The following ANKRD49 variants were observed in gnomAD, a reference collection of about 807,000 sequenced individuals.
ANKRD49 encodes ankyrin repeat domain 49, also known as ankyrin repeat domain-containing protein 49.
ANKRD49 carries 18 observed loss-of-function variants against 19.6 expected under a neutral mutation model. The ratio of observed to expected loss-of-function variants is 0.92; its 90% CI spans 0.63 to 1.36. The LOEUF (loss-of-function observed/expected upper bound fraction) is 1.36. ANKRD49 is among the 40% of genes most tolerant of loss of function. ANKRD49 has a pLI of 0.00. For missense variants in ANKRD49, 218 were observed against 281.6 expected (o/e 0.77, Z 1.62); for synonymous variants, 88 against 101.8 (o/e 0.86, Z 0.82).
intron 2 of ANKRD49, 186 bp downstream of exon 2, chr11:94,497,137 AG>A: frequency 1.4e-6 from 1 of 720,422 alleles, no homozygotes; most frequent in Non-Finnish European, 2.3e-6. Flanking sequence ...TGGGGGTTTA[AG>A]GATAATTATC....
intron 1 of ANKRD49, among the ~76,000 whole-genome samples, chr11:94,496,135 T>C (rs551674230): frequency 2.5e-4 from 38 of 152,320 alleles, no homozygotes; most frequent in Non-Finnish European, 5.0e-4. Context: ...GATGACAGAT[T>C]GGAACAGATG....
At position 94,498,460 on chromosome 11, in the gene ANKRD49, C is replaced by G. The variant is rs1276180397; in HGVS notation, c.648C>G (p.Ala216=). 2 of 1,613,888 alleles carry G rather than the reference C, an allele frequency of 1.2e-6. No homozygotes were observed. Among genetic ancestry groups the G allele is most frequent in the Non-Finnish European group, 1.7e-6 (2 of 1,179,842 alleles). The part of the protein sequence containing the change: ...NNLEETAFDI[A]RRTSIYHYLF... ...TGGAAGAAACTGCATTTGATATTGC[C>G]AGGAGGACAAGTATCTATCACTACC... is the stretch of plus-strand genomic sequence containing the variant. Residue 216 remains alanine, a synonymous_variant, in exon 3 of 3, where the codon GCC becomes GCG. Coordinates refer to ENST00000544612, the MANE Select transcript of ANKRD49 (RefSeq NM_017704.3).
chr11:94,496,371 A>T (rs1947418561), intron 1 of ANKRD49, among the ~76,000 whole-genome samples: 1 of 152,168 alleles, frequency 6.6e-6, no homozygotes, highest in Non-Finnish European at 1.5e-5. Context: ...AATAATAGTT[A>T]TAATAATATA....
At chr11:94,496,519 T>C (rs1947420526) in intron 1 of ANKRD49, 85 bp from the exon 2 acceptor site, 1 of 579,702 alleles carries the variant, frequency 1.7e-6, no homozygotes, top group East Asian at 2.9e-5. Context: ...CAGGGTTTAA[T>C]TGTATATGTT....
At chr11:94,496,190 A>C (rs906845119) in intron 1 of ANKRD49, among the ~76,000 whole-genome samples, 26 of 152,278 alleles carry the variant, frequency 1.7e-4, no homozygotes, top group African/African-American at 5.8e-4. Context: ...TGATTCTTCG[A>C]AATAGTATTT....
At chr11:94,494,818 G>T (rs937997121) in intron 1 of ANKRD49, among the ~76,000 whole-genome samples, 11 of 151,996 alleles carry the variant, frequency 7.2e-5, no homozygotes, top group Non-Finnish European at 2.9e-5. Flanking sequence ...TAAGATCTGT[G>T]GTATAAGGTT....
chr11:94,498,718 TTTAA>T lies in ANKRD49; in HGVS notation c.*190_*193del, dbSNP rs1286149906. On this transcript the variant is annotated 3_prime_UTR_variant, in exon 3 of 3. Transcript: ENST00000544612. The stretch of plus-strand genomic sequence containing the variant: ...TATTTGAAAGTAATTTGCATATATC[TTTAA>T]TTATTTCTGTGGAGTTTGTGATTTT... 6 of 598,202 alleles carry T rather than the reference TTTAA, an allele frequency of 1.0e-5. No homozygotes were observed. The highest frequency in any genetic ancestry group is 3.7e-5 in the African/African-American group (2 of 53,754). 37.1% of individuals were successfully genotyped at this position (598,202 alleles called of 1,614,324 possible).
rs374972821 is a variant in ANKRD49 at position 94,498,556 on chromosome 11, T to G, written c.*24T>G. 1.9e-4 allele frequency: 292 copies of G among 1,575,046 alleles called. 1 individual carries two copies. The highest frequency in any genetic ancestry group is 2.4e-4 in the Non-Finnish European group (277 of 1,155,868). On this transcript the variant is annotated 3_prime_UTR_variant, in exon 3 of 3. Transcript: ENST00000544612. ...AACAATTCTAGTAATTTTCCTAAGT[T>G]TCTAAATACCAGTGCCTCCTGTGTG...
chr11:94,497,521 T>G (rs1947432351), intron 2 of ANKRD49: 1 of 157,170 alleles, frequency 6.4e-6, no homozygotes, highest in African/African-American at 2.4e-5. Context: ...CATGCCACAT[T>G]TAACCAGAGG....
rs1303258857 is a variant in ANKRD49, at chr11:94,496,932, G to A, written c.239G>A (p.Trp80Ter). The part of the protein sequence containing the change: ...MEKDPSRLLL[W>*]AAEKNRLTTV... ...AAAGACCCAAGCAGATTGCTTCTTT[G>A]GGCTGCTGAAAAAAATCGGGTAAAA... The change falls in exon 2 of 3, where the codon TGG (tryptophan) becomes TAG (stop). Residue 80 changes from tryptophan (W) to a stop codon, truncating the protein, a stop_gained. Transcript: ENST00000544612. LOFTEE classifies it high-confidence loss of function. 1.9e-6 allele frequency: 3 copies of A among 1,613,438 alleles called. No homozygotes were observed. Among genetic ancestry groups the A allele is most frequent in the Non-Finnish European group, 2.5e-6 (3 of 1,179,914 alleles).
In ANKRD49 at chr11:94,498,533, C is replaced by A; in HGVS notation, c.*1C>A. 1.2e-6 allele frequency: 2 copies of A among 1,601,926 alleles called. No homozygotes were observed. The highest frequency in any genetic ancestry group is 1.7e-6 in the Non-Finnish European group (2 of 1,173,534). ...TACAAATTCTTCACCTCAGTCTTAA[C>A]AATTCTAGTAATTTTCCTAAGTTTC... On this transcript the variant is annotated 3_prime_UTR_variant, in exon 3 of 3. Coordinates refer to ENST00000544612, the MANE Select transcript of ANKRD49 (RefSeq NM_017704.3).
chr11:94,496,611 T>A lies in ANKRD49; in HGVS notation c.-83T>A. ...TTGTATTTGTGTTTTCAGATCTTGA[T>A]GAACAAAGCAGTCATAATTCATCTC... is the stretch of plus-strand genomic sequence containing the variant. On this transcript the variant is annotated 5_prime_UTR_variant, in exon 2 of 3. An upstream start codon of the reference 5' UTR is lost. Coordinates refer to ENST00000544612, the MANE Select transcript of ANKRD49 (RefSeq NM_017704.3). 4 of 1,264,596 alleles carry A rather than the reference T, an allele frequency of 3.2e-6. No individual in the cohort carries two copies. Among genetic ancestry groups the A allele is most frequent in the Non-Finnish European group, 4.3e-6 (4 of 922,846 alleles). The allele number at this position is 1,264,596 out of a possible 1,614,324, so 78.3% of individuals were successfully genotyped here.
chr11:94,497,125 T>A (rs1016158906), intron 2 of ANKRD49, 174 bp downstream of exon 2: 53 of 807,246 alleles, frequency 6.6e-5, no homozygotes, highest in Non-Finnish European at 1.0e-4. Flanking sequence ...CTAGGTATTA[T>A]TTGGGGGTTT....
chr11:94,496,919 A>C lies in ANKRD49; in HGVS notation c.226A>C (p.Arg76=). The change falls in exon 2 of 3, where the codon AGA becomes CGA. Residue 76 remains arginine, a synonymous_variant. Transcript: ENST00000544612. Reference sequence around the variant, plus strand: ...AAAAAAAATGGAAAAAGACCCAAGCAGATTGCTTCTTTGGGCTGCTGAAAA... The same window carrying C: ...AAAAAAAATGGAAAAAGACCCAAGCCGATTGCTTCTTTGGGCTGCTGAAAA... ...QEKKMEKDPS[R]LLLWAAEKNR... 6.2e-7 allele frequency: 1 copy of C among 1,613,832 alleles called. No individual in the cohort carries two copies. The highest frequency in any genetic ancestry group is 8.5e-7 in the Non-Finnish European group (1 of 1,179,970).
At chr11:94,494,718 T>G (rs1192881688) in intron 1 of ANKRD49, among the ~76,000 whole-genome samples, 5 of 152,234 alleles carry the variant, frequency 3.3e-5, no homozygotes, top group Non-Finnish European at 7.3e-5. Context: ...AGTAAAATTT[T>G]GTACATAATT....
chr11:94,496,644 A>T lies in ANKRD49; in HGVS notation c.-50A>T. On this transcript the variant is annotated 5_prime_UTR_variant, in exon 2 of 3. Transcript: ENST00000544612. Reference sequence around the variant, plus strand: ...GCAGTCATAATTCATCTCTAGAAAGATTTATATCCTGGCATTTGAAATGCT... The same window carrying T: ...GCAGTCATAATTCATCTCTAGAAAGTTTTATATCCTGGCATTTGAAATGCT... 6.8e-7 allele frequency: 1 copy of T among 1,472,190 alleles called. No individual in the cohort carries two copies. Among genetic ancestry groups the T allele is most frequent in the Non-Finnish European group, 9.1e-7 (1 of 1,100,870 alleles). 91.2% of individuals were successfully genotyped at this position (1,472,190 alleles called of 1,614,324 possible). A position where few individuals can be genotyped will look rare whatever the true frequency, so the allele number is the denominator to read the frequency against.
chr11:94,498,724 T>G lies in ANKRD49; in HGVS notation c.*192T>G, dbSNP rs2135163651. The G allele has an allele frequency of 1.7e-6, 1 of 593,238 alleles. No individual in the cohort carries two copies. The highest frequency in any genetic ancestry group is 2.2e-5 in the South Asian group (1 of 45,238). 36.7% of individuals were successfully genotyped at this position (593,238 alleles called of 1,614,324 possible). ...AAAGTAATTTGCATATATCTTTAATTATTTCTGTGGAGTTTGTGATTTTTT... is the reference window on the plus strand; with the variant it reads ...AAAGTAATTTGCATATATCTTTAATGATTTCTGTGGAGTTTGTGATTTTTT... On this transcript the variant is annotated 3_prime_UTR_variant, in exon 3 of 3. Transcript: ENST00000544612.
intron 1 of ANKRD49, among the ~76,000 whole-genome samples, chr11:94,494,435 C>T (rs1013683129): frequency 6.3e-4 from 96 of 152,172 alleles, no homozygotes; most frequent in Admixed American, 3.9e-4. Flanking sequence ...CTTTCAGTTC[C>T]ATTGAAGGGT....
rs1484808325 is a variant in ANKRD49 at position 94,498,579 on chromosome 11, G to A, written c.*47G>A. Reference sequence around the variant, plus strand: ...GTTTCTAAATACCAGTGCCTCCTGTGTGTGAGATGTATTCCCATAATCAAA... The same window carrying A: ...GTTTCTAAATACCAGTGCCTCCTGTATGTGAGATGTATTCCCATAATCAAA... On this transcript the variant is annotated 3_prime_UTR_variant, in exon 3 of 3. Transcript: ENST00000544612. 6.8e-7 allele frequency: 1 copy of A among 1,464,342 alleles called. No homozygotes were observed. The highest frequency in any genetic ancestry group is 1.3e-5 in the South Asian group (1 of 77,984). The allele number at this position is 1,464,342 out of a possible 1,614,324, so 90.7% of individuals were successfully genotyped here.
Sources: allele counts gnomAD v4.1 joint callset (sites outside exome capture counted in the v4.1 genomes callset), GRCh38; gene constraint gnomAD v4.1.1; transcripts MANE v1.5; gene names NCBI Gene and HGNC (gene_info 2026-07-23, HGNC 2026-07-21).